Variants in STMN2 observed in about 807,000 individuals in gnomAD.
STMN2 encodes the protein stathmin 2.
In STMN2, 2 loss-of-function variants were observed where a neutral mutation model predicts 24.1. The ratio of observed to expected loss-of-function variants is 0.08; its 90% CI spans 0.03 to 0.26. The LOEUF is 0.26. Ranked by LOEUF, STMN2 falls within the 10% of genes least tolerant of loss-of-function variation. The pLI, the probability that STMN2 is intolerant of heterozygous loss-of-function variation, is 1.00. For missense variants in STMN2, 114 were observed against 213.6 expected (o/e 0.53, Z 2.91); for synonymous variants, 83 against 77.5 (o/e 1.07, Z -0.37).
intron 4 of STMN2, among the ~76,000 whole-genome samples, chr8:79,661,358 G>T (rs906440080): frequency 1.6e-4 from 25 of 152,110 alleles, no homozygotes; most frequent in African/African-American, 5.8e-4. Context: ...TTTCATTGTG[G>T]TTTTAATTTG....
intron 4 of STMN2, chr8:79,663,688 A>T (rs1247126598): frequency 6.9e-7 from 1 of 1,457,144 alleles, no homozygotes; most frequent in African/African-American, 1.4e-5. Flanking sequence ...AGAAATATAA[A>T]TAATACTACT....
intron 4 of STMN2, among the ~76,000 whole-genome samples, chr8:79,663,106 C>A (rs1806534176): frequency 6.6e-6 from 1 of 152,156 alleles, no homozygotes; most frequent in South Asian, 2.1e-4. Context: ...TGTTTTTAAT[C>A]TCTTTCTCTA....
intron 3 of STMN2, 78 bp downstream of exon 3, chr8:79,641,628 G>GCACACA (rs61386841): frequency 0.03 from 12,745 of 429,860 alleles, 256 homozygotes; most frequent in Admixed American, 0.047. Context: ...ACACATGCAC[G>GCACACA]CACACACACA....
intron 1 of STMN2, chr8:79,611,750 C>T: frequency 1.0e-6 from 1 of 984,456 alleles, no homozygotes; most frequent in Non-Finnish European, 1.2e-6. Flanking sequence ...ACGGTATTGT[C>T]TCGTCGAAGA....
At chr8:79,644,923 G>A (rs1045130353) in intron 3 of STMN2, among the ~76,000 whole-genome samples, 3 of 152,148 alleles carry the variant, frequency 2.0e-5, no homozygotes, top group African/African-American at 7.2e-5. Context: ...GGGACGCCGA[G>A]GCAGGTGGAT....
intron 1 of STMN2, among the ~76,000 whole-genome samples, chr8:79,613,183 G>A (rs1347610632): frequency 6.7e-6 from 1 of 150,296 alleles, no homozygotes; most frequent in Non-Finnish European, 1.5e-5. Context: ...TGTTCTCTAT[G>A]ATTTTCCAGA....
chr8:79,665,919 A>G lies in STMN2; in HGVS notation c.*1045A>G, dbSNP rs1370464421. 1 of 152,230 alleles carries G rather than the reference A, an allele frequency of 6.6e-6. No homozygotes were observed. Among genetic ancestry groups the G allele is most frequent in the Non-Finnish European group, 1.5e-5 (1 of 68,058 alleles). 9.4% of individuals were successfully genotyped at this position (152,230 alleles called of 1,614,324 possible). On this transcript the variant is annotated 3_prime_UTR_variant, in exon 5 of 5. Coordinates refer to ENST00000220876, the MANE Select transcript of STMN2 (RefSeq NM_007029.4). ...GCAATCCTGCCTACTAACAACACCAACAACAAAACACTCCATCTGTGAAGC... is the reference window on the plus strand; with the variant it reads ...GCAATCCTGCCTACTAACAACACCAGCAACAAAACACTCCATCTGTGAAGC...
At chr8:79,646,166 A>G (rs1178225572) in intron 3 of STMN2, among the ~76,000 whole-genome samples, 2 of 152,120 alleles carry the variant, frequency 1.3e-5, no homozygotes, top group Admixed American at 6.6e-5. Context: ...ATAGTCACTA[A>G]GTTTCCAAAT....
intron 1 of STMN2, among the ~76,000 whole-genome samples, chr8:79,628,770 C>T (rs7840241): frequency 0.29 from 43,210 of 151,504 alleles, 6,412 homozygotes; most frequent in East Asian, 0.41. Context: ...TCAAAATATC[C>T]GGGAAAAAAA....
Position 79,648,989 on chromosome 8 carries a change from C to T in STMN2, c.289-5882C>T, listed in dbSNP as rs1322997862. On this transcript the variant is annotated intron_variant, in intron 3 of 4. Coordinates refer to ENST00000220876, the MANE Select transcript of STMN2 (RefSeq NM_007029.4). Reference sequence around the variant, plus strand: ...AGTTCAGTGAGATTTCATTAGCATGCTCTCATTACTGGCATAATCAGCTTC... The same window carrying T: ...AGTTCAGTGAGATTTCATTAGCATGTTCTCATTACTGGCATAATCAGCTTC... 5.9e-5 allele frequency among the ~76,000 whole-genome samples: 9 copies of T among 152,258 alleles called. No individual in the cohort carries two copies. In the East Asian group the frequency reaches 1.5e-3, roughly 26 times the overall value.
intron 3 of STMN2, among the ~76,000 whole-genome samples, chr8:79,642,198 C>T (rs920070930): frequency 1.3e-5 from 2 of 152,152 alleles, no homozygotes; most frequent in African/African-American, 4.8e-5. Flanking sequence ...GGGGATTTTT[C>T]TCTTTTTGCC....
intron 4 of STMN2, among the ~76,000 whole-genome samples, chr8:79,663,200 C>T (rs1240603277): frequency 2.0e-5 from 3 of 152,180 alleles, no homozygotes; most frequent in Admixed American, 6.5e-5. Flanking sequence ...AGAATCTACA[C>T]TTGAAAAGAC....
rs146134741 is a variant in STMN2, at chr8:79,658,990, G to A, written c.480+3928G>A. 2.8e-3 allele frequency among the ~76,000 whole-genome samples: 432 copies of A among 152,338 alleles called. 3 individuals carry two copies. Among genetic ancestry groups the A allele is most frequent in the African/African-American group, 0.01 (416 of 41,588 alleles). ...CACTAGTAGGCTCTAATATTTAGCC[G>A]TGGTTGAGAACCACTGTGCTAAATG... On this transcript the variant is annotated intron_variant, in intron 4 of 4. Transcript: ENST00000220876.
chr8:79,664,478 C>T (rs1017078455), intron 4 of STMN2, among the ~76,000 whole-genome samples: 6 of 152,108 alleles, frequency 3.9e-5, no homozygotes, highest in Admixed American at 6.5e-5. Flanking sequence ...TCAAAAGGAA[C>T]GACATCATTA....
chr8:79,640,421 T>C (rs1452416879), intron 2 of STMN2, among the ~76,000 whole-genome samples: 2 of 149,084 alleles, frequency 1.3e-5, no homozygotes, highest in African/African-American at 4.9e-5. Flanking sequence ...GGTTCACCCA[T>C]GTTGTCAAAA....
At chr8:79,647,381 C>T (rs1320338053) in intron 3 of STMN2, among the ~76,000 whole-genome samples, 3 of 152,102 alleles carry the variant, frequency 2.0e-5, no homozygotes, top group African/African-American at 7.2e-5. Context: ...AAAAAACTTA[C>T]GAGTTCTCCT....
At chr8:79,658,266 A>G (rs972019986) in intron 4 of STMN2, among the ~76,000 whole-genome samples, 1 of 152,180 alleles carries the variant, frequency 6.6e-6, no homozygotes. Flanking sequence ...ATATTGTGCC[A>G]CTGCACTCCA....
At chr8:79,631,675 G>T (rs1809804888) in intron 1 of STMN2, among the ~76,000 whole-genome samples, 1 of 151,956 alleles carries the variant, frequency 6.6e-6, no homozygotes, top group African/African-American at 2.4e-5. Flanking sequence ...AAATTATTTT[G>T]GTCTATTTTG....
chr8:79,612,678 T>G (rs1809269329), intron 1 of STMN2, among the ~76,000 whole-genome samples: 1 of 151,796 alleles, frequency 6.6e-6, no homozygotes, highest in Non-Finnish European at 1.5e-5. Flanking sequence ...GGGCCTGGGG[T>G]CCTGTGGCAG....
Sources: allele counts gnomAD v4.1 joint callset (sites outside exome capture counted in the v4.1 genomes callset), GRCh38; gene constraint gnomAD v4.1.1; transcripts MANE v1.5; gene names NCBI Gene and HGNC (gene_info 2026-07-23, HGNC 2026-07-21).